Variants in PRPF38B observed in about 807,000 individuals in gnomAD.
The protein encoded by PRPF38B is pre-mRNA-splicing factor 38B.
PRPF38B carries 18 observed loss-of-function variants against 67.2 expected under a neutral mutation model. The observed-to-expected ratio is 0.27, with a 90% CI of 0.19 to 0.40. PRPF38B has a LOEUF of 0.40. Among genes scored for constraint, PRPF38B ranks in the 10% least tolerant of loss-of-function variants. The pLI, the probability that PRPF38B is intolerant of heterozygous loss-of-function variation, is 1.00. For missense variants in PRPF38B, 544 were observed against 684.9 expected (o/e 0.79, Z 2.30); for synonymous variants, 246 against 234.2 (o/e 1.05, Z -0.46).
In PRPF38B at chr1:108,696,160, C is replaced by G; in HGVS notation, c.463C>G (p.Pro155Ala). ...VMGLITHTDS[P>A]YIRALGFMYI... ...GGGTCTTATAACACACACAGACTCTCCATATATTAGAGCGCTTGGATTTAT... is the reference window on the plus strand; with the variant it reads ...GGGTCTTATAACACACACAGACTCTGCATATATTAGAGCGCTTGGATTTAT... Residue 155 changes from proline to alanine, a missense_variant, in exon 3 of 6, where the codon CCA becomes GCA. By Grantham distance (27) the Pro-to-Ala change is conservative. Around this residue, in one of 5 missense-constraint regions of PRPF38B, gnomAD observed 57 missense variants for 122.7 expected, o/e 0.46. Coordinates refer to ENST00000370025, the MANE Select transcript of PRPF38B (RefSeq NM_018061.4). 6.2e-7 allele frequency: 1 copy of G among 1,613,936 alleles called. No homozygotes were observed. The highest frequency in any genetic ancestry group is 8.5e-7 in the Non-Finnish European group (1 of 1,179,902).
Position 108,692,844 on chromosome 1 carries a change from G to A in PRPF38B, c.253G>A (p.Val85Met). 6.2e-7 allele frequency: 1 copy of A among 1,614,222 alleles called. No homozygotes were observed. The change falls in exon 1 of 6, where the codon GTG becomes ATG. Residue 85 changes from valine (V) to methionine (M), a missense_variant. By Grantham distance (21) the Val-to-Met change is conservative. Coordinates refer to ENST00000370025, the MANE Select transcript of PRPF38B (RefSeq NM_018061.4). ...QLYELKTYHE[V>M]VDEIYFKVTH... ...CTACGAGCTCAAGACCTACCACGAG[G>A]TGGTGGACGAGATCTACTTTAAGGT...
chr1:108,695,397 G>A (rs1264949899), intron 1 of PRPF38B, among the ~76,000 whole-genome samples: 1 of 152,156 alleles, frequency 6.6e-6, no homozygotes, highest in African/African-American at 2.4e-5. Flanking sequence ...GCAACCAAGT[G>A]AGACTATAGA....
chr1:108,693,831 A>G (rs1570673924), intron 1 of PRPF38B, among the ~76,000 whole-genome samples: 1 of 152,302 alleles, frequency 6.6e-6, no homozygotes, highest in East Asian at 1.9e-4. Context: ...GTTAATTTCT[A>G]TTTTAAAGAA....
rs767381594 is a variant in PRPF38B at position 108,696,316 on chromosome 1, A to G, written c.537A>G (p.Glu179=). The G allele has an allele frequency of 3.7e-6, 6 of 1,612,124 alleles. No homozygotes were observed. The highest frequency in any genetic ancestry group is 1.8e-4 in the Middle Eastern group (1 of 5,512). Residue 179 remains glutamate, a synonymous_variant, in exon 4 of 6, where the codon GAA becomes GAG. Coordinates refer to ENST00000370025, the MANE Select transcript of PRPF38B (RefSeq NM_018061.4). ...CTACAGATCTGTGGGACTGGTTTGA[A>G]TCCTTCCTTGATGATGAAGAGGTAT... The part of the protein sequence containing the change: ...QPPTDLWDWF[E]SFLDDEEDLD...
At position 108,702,294 on chromosome 1, in the gene PRPF38B, T is replaced by C. The variant is rs1263581719; in HGVS notation, c.*2274T>C. Among the ~76,000 whole-genome samples the C allele has an allele frequency of 1.3e-5, 2 of 152,070 alleles. No homozygotes were observed. Among genetic ancestry groups the C allele is most frequent in the Non-Finnish European group, 2.9e-5 (2 of 68,034 alleles). ...GTGCATGCTAGCACACCCGGCTAAT[T>C]TGTATTTTTGGTAGGGTTGGGATTT... is the stretch of plus-strand genomic sequence containing the variant. On this transcript the variant is annotated 3_prime_UTR_variant, in exon 6 of 6. Transcript: ENST00000370025.
intron 1 of PRPF38B, chr1:108,693,705 A>G (rs774992149): frequency 1.2e-4 from 113 of 904,438 alleles, no homozygotes; most frequent in Non-Finnish European, 1.5e-4. Flanking sequence ...TGAACGACTA[A>G]TTAGATTTTT....
rs1301305494 is a variant in PRPF38B at position 108,701,817 on chromosome 1, TC to T, written c.*1798del. 1 of 152,210 alleles carries T rather than the reference TC, an allele frequency of 6.6e-6. No individual in the cohort carries two copies. The highest frequency in any genetic ancestry group is 2.4e-5 in the African/African-American group (1 of 41,442). 9.4% of individuals were successfully genotyped at this position (152,210 alleles called of 1,614,324 possible). ...TTCTTCTAAAAATGATATGCTTTTTTCTTTTTTAAGAAAATTCCTTTGTCTT... is the reference window on the plus strand; with the variant it reads ...TTCTTCTAAAAATGATATGCTTTTTTTTTTTTAAGAAAATTCCTTTGTCTT... On this transcript the variant is annotated 3_prime_UTR_variant, in exon 6 of 6. Coordinates refer to ENST00000370025, the MANE Select transcript of PRPF38B (RefSeq NM_018061.4).
rs1273740970 is a variant in PRPF38B at position 108,700,959 on chromosome 1, C to T, written c.*939C>T. ...AATGGAAAATCCTTAAATTATGAAA[C>T]AGCTTGATATAGTGTCCTTTTTTTA... On this transcript the variant is annotated 3_prime_UTR_variant, in exon 6 of 6. Transcript: ENST00000370025. 6.6e-6 allele frequency: 1 copy of T among 152,326 alleles called. No individual in the cohort carries two copies. Among genetic ancestry groups the T allele is most frequent in the African/African-American group, 2.4e-5 (1 of 41,418 alleles). 9.4% of individuals were successfully genotyped at this position (152,326 alleles called of 1,614,324 possible). A position where few individuals can be genotyped will look rare whatever the true frequency, so the allele number is the denominator to read the frequency against.
chr1:108,692,491 A>T lies in PRPF38B; in HGVS notation c.-101A>T, dbSNP rs1054736018. The T allele has an allele frequency of 6.0e-5, 80 of 1,342,334 alleles. No homozygotes were observed. In the African/African-American group the frequency reaches 1.0e-3, roughly 18 times the overall value. 83.2% of individuals were successfully genotyped at this position (1,342,334 alleles called of 1,614,324 possible). ...AGCGAGGCGGCCCCTTCTCCCGACG[A>T]CGTTCGATGGAGTAGGGTCCCAGAC... On this transcript the variant is annotated 5_prime_UTR_variant, in exon 1 of 6. Coordinates refer to ENST00000370025, the MANE Select transcript of PRPF38B (RefSeq NM_018061.4).
Position 108,696,246 on chromosome 1 carries a change from T to G in PRPF38B, c.498-31T>G, listed in dbSNP as rs372842455. Reference sequence around the variant, plus strand: ...AGTAAATATCTCATTTTAATTCACATGTGTTTAATAATAGTCTTTTGTAAT... The same window carrying G: ...AGTAAATATCTCATTTTAATTCACAGGTGTTTAATAATAGTCTTTTGTAAT... On this transcript the variant is annotated intron_variant, in intron 3 of 5. Coordinates refer to ENST00000370025, the MANE Select transcript of PRPF38B (RefSeq NM_018061.4). 55 of 1,610,602 alleles carry G rather than the reference T, an allele frequency of 3.4e-5. No individual in the cohort carries two copies. The East Asian group carries it at 1.1e-3, about 33-fold the overall frequency.
In PRPF38B at chr1:108,698,598, C is replaced by T. The variant is rs1660119768; in HGVS notation, c.559-6C>T. Reference sequence around the variant, plus strand: ...GACGGCTAGGGTATCTTTTGTGTTTCTGTAGGACCTAGATGTGAAGGCTGG... The same window carrying T: ...GACGGCTAGGGTATCTTTTGTGTTTTTGTAGGACCTAGATGTGAAGGCTGG... On this transcript the variant is annotated splice_region_variant and splice_polypyrimidine_tract_variant and intron_variant, in intron 4 of 5. Transcript: ENST00000370025. 6.3e-7 allele frequency: 1 copy of T among 1,585,602 alleles called. No individual in the cohort carries two copies. Among genetic ancestry groups the T allele is most frequent in the South Asian group, 1.1e-5 (1 of 88,630 alleles).
In PRPF38B at chr1:108,702,530, G is replaced by A. The variant is rs1660615939; in HGVS notation, c.*2510G>A. Reference sequence around the variant, plus strand: ...TATATATATGCATGATTTATTTGGAGAGTGGCTTCCTAAGAAACTGGGAAA... The same window carrying A: ...TATATATATGCATGATTTATTTGGAAAGTGGCTTCCTAAGAAACTGGGAAA... On this transcript the variant is annotated 3_prime_UTR_variant, in exon 6 of 6. Transcript: ENST00000370025. Among the ~76,000 whole-genome samples the A allele has an allele frequency of 6.6e-6, 1 of 152,182 alleles. No homozygotes were observed. Among genetic ancestry groups the A allele is most frequent in the Non-Finnish European group, 1.5e-5 (1 of 68,036 alleles).
At chr1:108,697,305 A>C (rs1165347721) in intron 4 of PRPF38B, 1 of 152,600 alleles carries the variant, frequency 6.6e-6, no homozygotes, top group Non-Finnish European at 1.5e-5. Flanking sequence ...CAACATGTCA[A>C]AAATGAAATG....
chr1:108,698,921 T>C, intron 5 of PRPF38B, 94 bp downstream of exon 5: 1 of 1,322,230 alleles, frequency 7.6e-7, no homozygotes, highest in Non-Finnish European at 1.0e-6. Context: ...AATTTGTTTT[T>C]ACTGTTCATT....
rs753891442 is a variant in PRPF38B, at chr1:108,699,502, G to A, written c.1123G>A (p.Gly375Arg). The A allele has an allele frequency of 7.0e-6, 11 of 1,578,488 alleles. No homozygotes were observed. Among genetic ancestry groups the A allele is most frequent in the Non-Finnish European group, 9.5e-6 (11 of 1,162,074 alleles). ...RRDRDYDKER[G>R]NEREKERERS... ...AGATCGTGACTATGATAAGGAAAGA[G>A]GAAATGAACGAGAAAAAGAGAGAGA... The change falls in exon 6 of 6, where the codon GGA becomes AGA. Residue 375 changes from glycine (G) to arginine (R), a missense_variant. Physicochemically the swap from Gly to Arg is moderately radical, Grantham distance 125. This residue lies in a region of PRPF38B where 387 missense variants were observed against 386.1 expected (regional missense o/e 1.00). Transcript: ENST00000370025.
At position 108,699,605 on chromosome 1, in the gene PRPF38B, A is replaced by C; in HGVS notation, c.1226A>C (p.Asp409Ala). 1 of 1,553,750 alleles carries C rather than the reference A, an allele frequency of 6.4e-7. No individual in the cohort carries two copies. The highest frequency in any genetic ancestry group is 8.7e-7 in the Non-Finnish European group (1 of 1,148,074). Residue 409 changes from aspartate (D) to alanine (A), a missense_variant, in exon 6 of 6, where the codon GAT becomes GCT. Coordinates refer to ENST00000370025, the MANE Select transcript of PRPF38B (RefSeq NM_018061.4). ...EEKKHKEDKD[D>A]RRHRDDKRDS... ...AAGAAACATAAAGAAGACAAAGATG[A>C]TAGGCGGCACAGAGATGACAAAAGA...
Position 108,699,903 on chromosome 1 carries a change from C to T in PRPF38B, c.1524C>T (p.His508=). 1 of 1,614,130 alleles carries T rather than the reference C, an allele frequency of 6.2e-7. No individual in the cohort carries two copies. The highest frequency in any genetic ancestry group is 8.5e-7 in the Non-Finnish European group (1 of 1,180,022). The change falls in exon 6 of 6, where the codon CAC becomes CAT. Residue 508 remains histidine (H), a synonymous_variant. Coordinates refer to ENST00000370025, the MANE Select transcript of PRPF38B (RefSeq NM_018061.4). ...RKRSRSKERS[H]KRDHSDSKDQ... ...GTAGTAGAAGCAAAGAACGTTCCCA[C>T]AAACGAGATCACAGTGATAGTAAGG... is the stretch of plus-strand genomic sequence containing the variant.
At position 108,702,574 on chromosome 1, in the gene PRPF38B, C is replaced by CAG. The variant is rs1218138120; in HGVS notation, c.*2555_*2556insGA. 2.0e-5 allele frequency among the ~76,000 whole-genome samples: 3 copies of CAG among 152,068 alleles called. No individual in the cohort carries two copies. Among genetic ancestry groups the CAG allele is most frequent in the Non-Finnish European group, 2.9e-5 (2 of 68,012 alleles). On this transcript the variant is annotated 3_prime_UTR_variant, in exon 6 of 6. Coordinates refer to ENST00000370025, the MANE Select transcript of PRPF38B (RefSeq NM_018061.4). ...TGGGAAAACAAGTGGCTATGAAAGA[C>CAG]ATCTCACATTTCTTGAAACATGAGA...
Position 108,700,102 on chromosome 1 carries a change from A to C in PRPF38B, c.*82A>C. On this transcript the variant is annotated 3_prime_UTR_variant, in exon 6 of 6. Transcript: ENST00000370025. ...TTCCCCCACGTTGAGATTGTGCAGT[A>C]GTTCGCACTCCTCAAGCTCTCCCTG... The C allele has an allele frequency of 2.7e-6, 4 of 1,504,120 alleles. No individual in the cohort carries two copies. Among genetic ancestry groups the C allele is most frequent in the Non-Finnish European group, 3.5e-6 (4 of 1,132,372 alleles). The allele number at this position is 1,504,120 out of a possible 1,614,324, so 93.2% of individuals were successfully genotyped here. A position where few individuals can be genotyped will look rare whatever the true frequency, so the allele number is the denominator to read the frequency against.
Sources: gnomAD v4.1 joint callset for allele counts (sites outside exome capture counted in the v4.1 genomes callset) on GRCh38, gnomAD v4.1.1 for gene constraint, gnomAD v4.1.1 regional missense constraint, MANE v1.5 for transcripts, NCBI Gene and HGNC (gene_info 2026-07-23, HGNC 2026-07-21) for gene names.